The following GRIK2 variants were observed in gnomAD, a reference collection of about 807,000 sequenced individuals.
GRIK2 encodes the protein glutamate receptor ionotropic, kainate 2.
In GRIK2, 32 loss-of-function variants were observed where a neutral mutation model predicts 100.3. The ratio of observed to expected loss-of-function variants is 0.32; its 90% CI spans 0.24 to 0.43. The LOEUF (loss-of-function observed/expected upper bound fraction) is 0.43, where lower values mean the gene tolerates loss of function less well. Among genes scored for constraint, GRIK2 ranks in the 20% least tolerant of loss-of-function variants. The probability of loss-of-function intolerance (pLI) is 1.00; values close to 1 mark genes in which losing one functional copy is unlikely to be tolerated. For synonymous variants in GRIK2, 417 were observed against 389.4 expected, an observed-to-expected ratio of 1.07 and a Z score of -0.83; for missense variants, 843 against 1,114.9, an observed-to-expected ratio of 0.76 and a Z score of 3.47.
chr6:102,063,948 A>AT (rs1371091970), intron 16 of GRIK2: 1 of 1,294,476 alleles, frequency 7.7e-7, no homozygotes. Flanking sequence ...AAAGATTTAA[A>AT]TTTTCATTTT....
chr6:101,454,337 T>G (rs1770878032), intron 2 of GRIK2, among the ~76,000 whole-genome samples: 1 of 152,132 alleles, frequency 6.6e-6, no homozygotes, highest in African/African-American at 2.4e-5. Flanking sequence ...GATCTATGAT[T>G]TATGGCATGG....
At chr6:101,613,815 C>G (rs1779784881) in intron 2 of GRIK2, among the ~76,000 whole-genome samples, 1 of 149,398 alleles carries the variant, frequency 6.7e-6, no homozygotes, top group Non-Finnish European at 1.5e-5. Context: ...ATGTGACAAA[C>G]AGTTAAACAA....
chr6:101,795,377 G>T (rs1439593097), intron 7 of GRIK2, among the ~76,000 whole-genome samples: 4 of 152,106 alleles, frequency 2.6e-5, no homozygotes, highest in Non-Finnish European at 5.9e-5. Context: ...ATTTTACTGG[G>T]TGTAGGAGTG....
intron 10 of GRIK2, among the ~76,000 whole-genome samples, chr6:101,822,018 T>C (rs1370859903): frequency 6.6e-6 from 1 of 152,178 alleles, no homozygotes; most frequent in Non-Finnish European, 1.5e-5. Context: ...ATCCACAAGC[T>C]AATTATAATC....
intron 7 of GRIK2, among the ~76,000 whole-genome samples, chr6:101,724,910 A>G (rs1774752124): frequency 6.6e-6 from 1 of 152,024 alleles, no homozygotes; most frequent in Non-Finnish European, 1.5e-5. Flanking sequence ...TCCTTACCCC[A>G]TGGGTATCTC....
intron 2 of GRIK2, among the ~76,000 whole-genome samples, chr6:101,513,391 T>C (rs1052501789): frequency 1.3e-5 from 2 of 152,182 alleles, no homozygotes; most frequent in Non-Finnish European, 2.9e-5. Context: ...TTAGAGACAA[T>C]AGGATGACAG....
rs1315524835 is a variant in GRIK2 at position 102,006,390 on chromosome 6, A to ATATATAT, written c.2086-28950_2086-28949insATATATT. 2.1e-3 allele frequency among the ~76,000 whole-genome samples: 242 copies of ATATATAT among 114,084 alleles called. 4 individuals are homozygous for ATATATAT. The highest frequency in any genetic ancestry group is 3.3e-3 in the African/African-American group (73 of 21,908). 74.8% of individuals were successfully genotyped at this position (114,084 alleles called of 152,430 possible). ...CTTTTATATATATATATATATATAT[A>ATATATAT]TTTTTTTTTTTTTTGAGACATACAG... On this transcript the variant is annotated intron_variant, in intron 14 of 16. Transcript: ENST00000369134.
chr6:101,588,253 A>G (rs1237143469), intron 2 of GRIK2, among the ~76,000 whole-genome samples: 1 of 152,124 alleles, frequency 6.6e-6, no homozygotes, highest in Non-Finnish European at 1.5e-5. Context: ...AGAAAAAAGC[A>G]TAAACTAAAA....
chr6:101,744,376 G>T (rs1256586352), intron 7 of GRIK2, among the ~76,000 whole-genome samples: 1 of 151,052 alleles, frequency 6.6e-6, no homozygotes, highest in Non-Finnish European at 1.5e-5. Flanking sequence ...ACGATGTTTG[G>T]TTTTCCATTT....
intron 15 of GRIK2, among the ~76,000 whole-genome samples, chr6:102,037,856 G>A (rs1278211505): frequency 6.6e-6 from 1 of 151,220 alleles, no homozygotes; most frequent in African/African-American, 2.4e-5. Context: ...GAAACTTCAT[G>A]AGTTAATGCA....
intron 4 of GRIK2, among the ~76,000 whole-genome samples, chr6:101,668,496 A>G (rs1450723872): frequency 1.3e-5 from 2 of 152,194 alleles, no homozygotes; most frequent in East Asian, 3.9e-4. Flanking sequence ...TGTAGCCCAC[A>G]TACATTCTAA....
intron 7 of GRIK2, among the ~76,000 whole-genome samples, chr6:101,742,574 G>T (rs1479354702): frequency 6.6e-6 from 1 of 152,138 alleles, no homozygotes; most frequent in African/African-American, 2.4e-5. Context: ...ATACATTTAA[G>T]AAATGCATTG....
intron 2 of GRIK2, among the ~76,000 whole-genome samples, chr6:101,568,513 A>G (rs1316860496): frequency 6.6e-6 from 1 of 152,030 alleles, no homozygotes; most frequent in Non-Finnish European, 1.5e-5. Context: ...CTACTTTACT[A>G]AACAATGTCC....
At chr6:101,809,516 A>T (rs2128417841) in intron 9 of GRIK2, among the ~76,000 whole-genome samples, 1 of 152,126 alleles carries the variant, frequency 6.6e-6, no homozygotes, top group East Asian at 1.9e-4. Flanking sequence ...CATTAATTAT[A>T]GATTTCTAGA....
At chr6:101,924,813 G>C in intron 13 of GRIK2, 94 bp downstream of exon 13, 1 of 766,838 alleles carries the variant, frequency 1.3e-6, no homozygotes, top group Non-Finnish European at 2.3e-6. Flanking sequence ...TTGCATGGGT[G>C]CCTCTGTGCA....
At chr6:101,974,882 G>A (rs1793272947) in intron 14 of GRIK2, among the ~76,000 whole-genome samples, 1 of 151,924 alleles carries the variant, frequency 6.6e-6, no homozygotes, top group African/African-American at 2.4e-5. Flanking sequence ...GGAAGCTCAA[G>A]ATAGGTTTTA....
intron 7 of GRIK2, among the ~76,000 whole-genome samples, chr6:101,697,340 CGTGT>C (rs63654860): frequency 0.015 from 2,139 of 146,780 alleles, 36 homozygotes; most frequent in African/African-American, 0.047. Flanking sequence ...TTAGGGTGTA[CGTGT>C]GTGTGTGTGT....
chr6:101,612,080 A>T (rs535818855), intron 2 of GRIK2, among the ~76,000 whole-genome samples: 1 of 151,850 alleles, frequency 6.6e-6, no homozygotes, highest in Non-Finnish European at 1.5e-5. Flanking sequence ...CAATTAAAAG[A>T]TGGGGCCTGG....
In GRIK2 at chr6:101,584,883, A is replaced by G. The variant is rs183726586; in HGVS notation, c.116-37066A>G. Among the ~76,000 whole-genome samples, 852 of 152,038 alleles carry G rather than the reference A, an allele frequency of 5.6e-3. 5 individuals carry two copies. Among genetic ancestry groups the G allele is most frequent in the African/African-American group, 0.018 (760 of 41,540 alleles). ...AGATTACAGAACCTGACTTTTAGTT[A>G]CATAATCCTCTTTTATGTAGTTACA... On this transcript the variant is annotated intron_variant, in intron 2 of 16. Coordinates refer to ENST00000369134, the MANE Select transcript of GRIK2 (RefSeq NM_021956.5).
Sources: gnomAD v4.1 joint callset for allele counts (sites outside exome capture counted in the v4.1 genomes callset) on GRCh38, gnomAD v4.1.1 for gene constraint, MANE v1.5 for transcripts, NCBI Gene and HGNC (gene_info 2026-07-23, HGNC 2026-07-21) for gene names.